Variants in ARHGAP11A observed in about 807,000 individuals in gnomAD.
The protein encoded by ARHGAP11A is Rho GTPase activating protein 11A.
A neutral mutation model predicts 60.5 loss-of-function variants in ARHGAP11A; 36 were observed. The ratio of observed to expected loss-of-function variants is 0.59; its 90% CI spans 0.46 to 0.79. The LOEUF is 0.79. ARHGAP11A is among the 30% of genes least tolerant of loss of function. The pLI, the probability that ARHGAP11A is intolerant of heterozygous loss-of-function variation, is 0.00. For synonymous variants in ARHGAP11A, 362 were observed against 415.5 expected, an observed-to-expected ratio of 0.87 and a Z score of 1.57; for missense variants, 1,071 against 1,199.2, an observed-to-expected ratio of 0.89 and a Z score of 1.58.
chr15:32,635,553 C>G (rs1052398377), intron 10 of ARHGAP11A, among the ~76,000 whole-genome samples: 1 of 152,146 alleles, frequency 6.6e-6, no homozygotes, highest in African/African-American at 2.4e-5. Flanking sequence ...ATATGTGAGA[C>G]TGTTTTAAAA....
In ARHGAP11A at chr15:32,634,319, C is replaced by T. The variant is rs549890758; in HGVS notation, c.1344+278C>T. Among the ~76,000 whole-genome samples the T allele has an allele frequency of 2.0e-4, 31 of 152,234 alleles. No homozygotes were observed. The South Asian group carries it at 6.0e-3, about 30-fold the overall frequency. ...AGCACTTATCCAGAATGCTTGAGAC[C>T]AGAAGTATTTCAGATTCCCCATTTT... On this transcript the variant is annotated intron_variant, in intron 10 of 11. Coordinates refer to ENST00000361627, the MANE Select transcript of ARHGAP11A (RefSeq NM_014783.6).
intron 6 of ARHGAP11A, among the ~76,000 whole-genome samples, chr15:32,627,117 A>G (rs1480122291): frequency 2.0e-5 from 3 of 152,032 alleles, no homozygotes; most frequent in Admixed American, 6.6e-5. Flanking sequence ...AGTTTCAGTT[A>G]TCACATCTAA....
Position 32,637,576 on chromosome 15 carries a change from C to T in ARHGAP11A, c.2803C>T (p.Pro935Ser), listed in dbSNP as rs1414790834. 6.2e-7 allele frequency: 1 copy of T among 1,614,074 alleles called. No individual in the cohort carries two copies. The highest frequency in any genetic ancestry group is 8.5e-7 in the Non-Finnish European group (1 of 1,180,020). The stretch of plus-strand genomic sequence containing the variant: ...ATCTTTCTTAAAGATGAGGAAGCAC[C>T]CAGATTCAGTGAATGCTTCTCTTAG... ...SKSFLKMRKH[P>S]DSVNASLRST... is the part of the protein sequence containing the mutation. Residue 935 changes from proline (P) to serine (S), a missense_variant, in exon 12 of 12, where the codon CCA becomes TCA. By Grantham distance (74) the Pro-to-Ser change is moderately conservative. Coordinates refer to ENST00000361627, the MANE Select transcript of ARHGAP11A (RefSeq NM_014783.6).
chr15:32,636,113 A>G (rs1172103672), intron 11 of ARHGAP11A, 144 bp from the exon 12 acceptor site: 3 of 1,397,548 alleles, frequency 2.1e-6, no homozygotes, highest in Non-Finnish European at 2.8e-6. Flanking sequence ...AAAATGTTTG[A>G]CATTCTTATG....
intron 9 of ARHGAP11A, among the ~76,000 whole-genome samples, chr15:32,633,546 G>T (rs552354990): frequency 6.6e-6 from 1 of 152,262 alleles, no homozygotes; most frequent in Admixed American, 6.5e-5. Context: ...GGAGGCTGAG[G>T]TGAGAGGATC....
At chr15:32,633,208 A>C (rs1478515964) in intron 9 of ARHGAP11A, 100 bp downstream of exon 9, 1 of 1,364,290 alleles carries the variant, frequency 7.3e-7, no homozygotes. Flanking sequence ...TATTTGAGTC[A>C]TAATTTTTTA....
chr15:32,636,567 A>G lies in ARHGAP11A; in HGVS notation c.1794A>G (p.Lys598=). The change falls in exon 12 of 12, where the codon AAA becomes AAG. Residue 598 remains lysine, a synonymous_variant. Transcript: ENST00000361627. ...ACATGACCAAAGAGACTTTGGTGAA[A>G]GTTCAAAAAGCGTTTTCTGAATCTG... The part of the protein sequence containing the change: ...ENNMTKETLV[K]VQKAFSESGS... 1 of 1,614,158 alleles carries G rather than the reference A, an allele frequency of 6.2e-7. No individual in the cohort carries two copies. The highest frequency in any genetic ancestry group is 8.5e-7 in the Non-Finnish European group (1 of 1,180,010).
At chr15:32,632,274 G>A (rs762949364) in intron 8 of ARHGAP11A, among the ~76,000 whole-genome samples, 6 of 149,596 alleles carry the variant, frequency 4.0e-5, no homozygotes, top group Non-Finnish European at 8.9e-5. Flanking sequence ...TACTTCTTTC[G>A]TAATTGTTTA....
chr15:32,631,348 T>A (rs1192066619), intron 8 of ARHGAP11A, among the ~76,000 whole-genome samples: 1 of 151,342 alleles, frequency 6.6e-6, no homozygotes, highest in Non-Finnish European at 1.5e-5. Flanking sequence ...CAGGCTAGAG[T>A]GCAATGGCAC....
rs527645538 is a variant in ARHGAP11A at position 32,634,073 on chromosome 15, A to T, written c.1344+32A>T. Reference sequence around the variant, plus strand: ...TTCTTACCATTTTATTGATCTTTATATTAGCATAACGCTATAAACTTGATA... The same window carrying T: ...TTCTTACCATTTTATTGATCTTTATTTTAGCATAACGCTATAAACTTGATA... On this transcript the variant is annotated intron_variant, in intron 10 of 11. Transcript: ENST00000361627. 3.0e-5 allele frequency: 44 copies of T among 1,449,368 alleles called. No individual in the cohort carries two copies. The African/African-American group carries it at 4.5e-4, about 15-fold the overall frequency. The allele number at this position is 1,449,368 out of a possible 1,614,324, so 89.8% of individuals were successfully genotyped here.
intron 1 of ARHGAP11A, among the ~76,000 whole-genome samples, chr15:32,618,966 G>C (rs2053232658): frequency 6.6e-6 from 1 of 152,004 alleles, no homozygotes; most frequent in East Asian, 1.9e-4. Flanking sequence ...AAATACACCT[G>C]TCATTTTTGC....
In ARHGAP11A at chr15:32,633,032, C is replaced by T. The variant is rs754038657; in HGVS notation, c.1159C>T (p.Leu387Phe). The T allele has an allele frequency of 3.7e-6, 6 of 1,614,084 alleles. No individual in the cohort carries two copies. The highest frequency in any genetic ancestry group is 5.1e-6 in the Non-Finnish European group (6 of 1,179,950). Residue 387 changes from leucine to phenylalanine, a missense_variant, in exon 9 of 12, where the codon CTC becomes TTC. By Grantham distance (22) the Leu-to-Phe change is conservative. Around this residue, in one of 4 missense-constraint regions of ARHGAP11A, gnomAD observed 776 missense variants for 760.2 expected, o/e 1.02. Transcript: ENST00000361627. Reference protein sequence around the residue: ...GSSQSSLSPVLIGGNHLITAG... With the variant: ...GSSQSSLSPVFIGGNHLITAG... ...ATCTCAGAGTTCACTCTCTCCTGTA[C>T]TCATTGGTGGAAACCATTTGATCAC...
At position 32,637,258 on chromosome 15, in the gene ARHGAP11A, T is replaced by G. The variant is rs746229794; in HGVS notation, c.2485T>G (p.Ser829Ala). Residue 829 changes from serine to alanine, a missense_variant, in exon 12 of 12, where the codon TCA (serine) becomes GCA (alanine). Ser to Ala is a moderately conservative substitution (Grantham distance 99). Transcript: ENST00000361627. ...TGAACCAAATAGAATAAAAGTCAAG[T>G]CACCTCTTAAGTTTCAGCGTACTCC... Reference protein sequence around the residue: ...LNEPNRIKVKSPLKFQRTPVR... With the variant: ...LNEPNRIKVKAPLKFQRTPVR... The G allele has an allele frequency of 6.2e-7, 1 of 1,614,224 alleles. No homozygotes were observed. Among genetic ancestry groups the G allele is most frequent in the Non-Finnish European group, 8.5e-7 (1 of 1,180,030 alleles).
In ARHGAP11A at chr15:32,616,278, G is replaced by C. The variant is rs1270360970; in HGVS notation, c.67G>C (p.Val23Leu). The C allele has an allele frequency of 6.2e-7, 1 of 1,613,998 alleles. No homozygotes were observed. The highest frequency in any genetic ancestry group is 8.5e-7 in the Non-Finnish European group (1 of 1,180,038). ...TCTGCGGGCCTTCTATGGTATTAAG[G>C]TGAAGGGTGTCCGTGGGCAGTGCGA... Reference protein sequence around the residue: ...QHLRAFYGIKVKGVRGQCDRR... With the variant: ...QHLRAFYGIKLKGVRGQCDRR... Residue 23 changes from valine to leucine, a missense_variant, in exon 1 of 12, where the codon GTG becomes CTG. Val to Leu is a conservative substitution (Grantham distance 32). Around this residue, in one of 4 missense-constraint regions of ARHGAP11A, gnomAD observed 71 missense variants for 142.4 expected, o/e 0.50. Coordinates refer to ENST00000361627, the MANE Select transcript of ARHGAP11A (RefSeq NM_014783.6).
Position 32,636,903 on chromosome 15 carries a change from T to C in ARHGAP11A, c.2130T>C (p.Asp710=), listed in dbSNP as rs111425460. 1.2e-6 allele frequency: 2 copies of C among 1,613,266 alleles called. No homozygotes were observed. ...EKDIHSNMPK[D]YLSKQEFSSD... ...ACATTCATTCAAATATGCCAAAAGA[T>C]TATTTAAGCAAGCAAGAATTCTCCA... is the stretch of plus-strand genomic sequence containing the variant. The change falls in exon 12 of 12, where the codon GAT becomes GAC. Residue 710 remains aspartate (D), a synonymous_variant. Transcript: ENST00000361627.
At position 32,638,456 on chromosome 15, in the gene ARHGAP11A, A is replaced by G. The variant is rs1273688633; in HGVS notation, c.*611A>G. The G allele has an allele frequency of 1.3e-5, 2 of 152,236 alleles. No individual in the cohort carries two copies. Among genetic ancestry groups the G allele is most frequent in the African/African-American group, 4.8e-5 (2 of 41,464 alleles). 9.4% of individuals were successfully genotyped at this position (152,236 alleles called of 1,614,324 possible). On this transcript the variant is annotated 3_prime_UTR_variant, in exon 12 of 12. Coordinates refer to ENST00000361627, the MANE Select transcript of ARHGAP11A (RefSeq NM_014783.6). The stretch of plus-strand genomic sequence containing the variant: ...GACATATTTTTGTGTGATAGAAAGA[A>G]TGGAGCAAGTTGTGCCTATTTCCTC...
At chr15:32,621,342 C>A (rs2053299183) in intron 2 of ARHGAP11A, among the ~76,000 whole-genome samples, 1 of 151,778 alleles carries the variant, frequency 6.6e-6, no homozygotes, top group Non-Finnish European at 1.5e-5. Context: ...AGGTGTCCAC[C>A]ACCACACTTA....
At position 32,635,776 on chromosome 15, in the gene ARHGAP11A, G is replaced by T; in HGVS notation, c.1345-1G>T. 1.9e-6 allele frequency: 3 copies of T among 1,586,182 alleles called. No individual in the cohort carries two copies. Among genetic ancestry groups the T allele is most frequent in the Non-Finnish European group, 2.6e-6 (3 of 1,168,770 alleles). On this transcript the variant is annotated splice_acceptor_variant, in intron 10 of 11. Transcript: ENST00000361627. LOFTEE classifies it high-confidence loss of function. ...ACTAAAACTTTTTTTTTTCTGTACA[G>T]AATGGATGTTCTGGTGTCAATAGAT... is the stretch of plus-strand genomic sequence containing the variant.
At position 32,625,487 on chromosome 15, in the gene ARHGAP11A, G is replaced by C; in HGVS notation, c.716G>C (p.Gly239Ala). The C allele has an allele frequency of 6.2e-7, 1 of 1,613,836 alleles. No homozygotes were observed. Among genetic ancestry groups the C allele is most frequent in the Non-Finnish European group, 8.5e-7 (1 of 1,179,810 alleles). ...QTLIDYASDIGRVPDFILEKI... is the reference protein window; with the variant it reads ...QTLIDYASDIARVPDFILEKI... ...CTTACTTGTGAACATTTTCATTTAG[G>C]GCGTGTACCAGATTTTATCCTGGAA... Residue 239 changes from glycine (G) to alanine (A), a missense_variant and splice_region_variant, in exon 6 of 12, where the codon GGG (glycine) becomes GCG (alanine). Physicochemically the swap from Gly to Ala is moderately conservative, Grantham distance 60 (BLOSUM62 0). Transcript: ENST00000361627.
Sources: allele counts gnomAD v4.1 joint callset (sites outside exome capture counted in the v4.1 genomes callset), GRCh38; gene constraint gnomAD v4.1.1; regional missense constraint gnomAD v4.1.1; transcripts MANE v1.5; gene names NCBI Gene and HGNC (gene_info 2026-07-23, HGNC 2026-07-21).